Variants in MYNN observed in about 807,000 individuals in gnomAD.
The protein encoded by MYNN is zinc finger and BTB domain-containing protein 31.
In MYNN, 22 loss-of-function variants were observed where a neutral mutation model predicts 57.2. The observed-to-expected ratio is 0.38, with a 90% CI of 0.27 to 0.55. The LOEUF (loss-of-function observed/expected upper bound fraction) is 0.55. Ranked by LOEUF, MYNN falls within the 20% of genes least tolerant of loss-of-function variation. MYNN has a pLI of 0.71. For synonymous variants in MYNN, 241 were observed against 257.1 expected, an observed-to-expected ratio of 0.94 and a Z score of 0.60; for missense variants, 566 against 723.1, an observed-to-expected ratio of 0.78 and a Z score of 2.49.
In MYNN at chr3:169,780,728, G is replaced by A; in HGVS notation, c.1199G>A (p.Ser400Asn). The A allele has an allele frequency of 1.2e-6, 2 of 1,601,064 alleles. No homozygotes were observed. The highest frequency in any genetic ancestry group is 1.7e-6 in the Non-Finnish European group (2 of 1,176,554). The stretch of plus-strand genomic sequence containing the variant: ...TGCAACTTACAGTTTGCAACTTCTA[G>A]CAATCTCAAGATTCATGCAAGGTAA... ...DVCNLQFATS[S>N]NLKIHARKHS... The change falls in exon 4 of 8, where the codon AGC becomes AAC. Residue 400 changes from serine to asparagine, a missense_variant. By Grantham distance (46) the Ser-to-Asn change is conservative. Around this residue, in one of 4 missense-constraint regions of MYNN, gnomAD observed 123 missense variants for 222.6 expected, o/e 0.55. Coordinates refer to ENST00000349841, the MANE Select transcript of MYNN (RefSeq NM_018657.5).
intron 7 of MYNN, among the ~76,000 whole-genome samples, chr3:169,784,988 A>G (rs1391250911): frequency 6.7e-6 from 1 of 149,562 alleles, no homozygotes; most frequent in Non-Finnish European, 1.5e-5. Flanking sequence ...GCATGAAGGA[A>G]CATATAAGCA....
chr3:169,782,763 T>C lies in MYNN; in HGVS notation c.1399+120T>C, dbSNP rs1778558304. 10 of 713,634 alleles carry C rather than the reference T, an allele frequency of 1.4e-5. No homozygotes were observed. In the South Asian group the frequency reaches 1.9e-4, roughly 14 times the overall value. The allele number at this position is 713,634 out of a possible 1,614,324, so 44.2% of individuals were successfully genotyped here. On this transcript the variant is annotated intron_variant, in intron 5 of 7. Transcript: ENST00000349841. This position sits in a 1 kb window ranked among gnomAD's most constrained non-coding sequence, Gnocchi z 4.8. ...AGTTAGATATCTGTTTATATTTCTA[T>C]AAGCTATGTTTATGATTTTTGCACA...
Position 169,779,029 on chromosome 3 carries a change from A to G in MYNN, c.528A>G (p.Ser176=), listed in dbSNP as rs148032854. 17 of 1,613,948 alleles carry G rather than the reference A, an allele frequency of 1.1e-5. No homozygotes were observed. Among genetic ancestry groups the G allele is most frequent in the Non-Finnish European group, 1.4e-5 (17 of 1,180,044 alleles). The change falls in exon 3 of 8, where the codon TCA becomes TCG. Residue 176 remains serine, a synonymous_variant. Coordinates refer to ENST00000349841, the MANE Select transcript of MYNN (RefSeq NM_018657.5). The part of the protein sequence containing the change: ...NPKQGALAKK[S]SQTKKKKKAF... ...AACAAGGCGCGTTAGCGAAAAAGTC[A>G]TCTCAAACGAAAAAGAAGAAGAAGG... is the stretch of plus-strand genomic sequence containing the variant.
rs1778266462 is a variant in MYNN at position 169,774,447 on chromosome 3, C to T, written c.152C>T (p.Ala51Val). 3.1e-6 allele frequency: 5 copies of T among 1,613,824 alleles called. No homozygotes were observed. Among genetic ancestry groups the T allele is most frequent in the Middle Eastern group, 1.6e-4 (1 of 6,084 alleles). The change falls in exon 2 of 8, where the codon GCG becomes GTG. Residue 51 changes from alanine (A) to valine (V), a missense_variant. Ala to Val is a moderately conservative substitution (Grantham distance 64). This residue lies in a region of MYNN where 261 missense variants were observed against 280.8 expected (regional missense o/e 0.93). Transcript: ENST00000349841. Reference protein sequence around the residue: ...VLASFSEYFGAIYRSTSENNV... With the variant: ...VLASFSEYFGVIYRSTSENNV... ...GCCTCCTTTAGTGAGTATTTTGGTG[C>T]GATCTACAGAAGCACTTCTGAGAAC...
At chr3:169,775,296 C>T (rs1356855277) in intron 2 of MYNN, among the ~76,000 whole-genome samples, 2 of 151,996 alleles carry the variant, frequency 1.3e-5, no homozygotes, top group African/African-American at 4.8e-5. Context: ...CCCTGTATAA[C>T]GAACCATATA....
intron 4 of MYNN, among the ~76,000 whole-genome samples, chr3:169,781,254 A>G (rs899489990): frequency 4.9e-4 from 74 of 152,240 alleles, no homozygotes; most frequent in African/African-American, 1.7e-3. Flanking sequence ...TGGAGCTGCC[A>G]TTAACTGAGA....
chr3:169,776,728 G>A (rs1395771808), intron 2 of MYNN, among the ~76,000 whole-genome samples: 3 of 116,992 alleles, frequency 2.6e-5, no homozygotes. Context: ...TTTTGAGATG[G>A]AGTCTCACTC....
In MYNN at chr3:169,780,654, C is replaced by T. The variant is rs567143440; in HGVS notation, c.1125C>T (p.Phe375=). 19 of 1,613,018 alleles carry T rather than the reference C, an allele frequency of 1.2e-5. No individual in the cohort carries two copies. The East Asian group carries it at 3.3e-4, about 28-fold the overall frequency. The change falls in exon 4 of 8, where the codon TTC becomes TTT. Residue 375 remains phenylalanine (F), a synonymous_variant. Coordinates refer to ENST00000349841, the MANE Select transcript of MYNN (RefSeq NM_018657.5). Reference sequence around the variant, plus strand: ...TTGCTCAGAAATGTCAGCTAGTCTTCCATAGTCGCATGCATCATGGTGAAG... The same window carrying T: ...TTGCTCAGAAATGTCAGCTAGTCTTTCATAGTCGCATGCATCATGGTGAAG... ...KGFAQKCQLV[F]HSRMHHGEEK... is the part of the protein sequence containing the mutation.
intron 6 of MYNN, chr3:169,783,791 G>A: frequency 1.7e-6 from 1 of 585,318 alleles, no homozygotes; most frequent in Non-Finnish European, 3.2e-6. Context: ...AAATATGCCA[G>A]ATAATCAATA....
rs1235416585 is a variant in MYNN at position 169,789,055 on chromosome 3, CTA to C, written c.*2379_*2380del. On this transcript the variant is annotated 3_prime_UTR_variant, in exon 8 of 8. Transcript: ENST00000349841. Reference sequence around the variant, plus strand: ...AGAAGGTGAAGATCTTACTGAGAAACTATTTTCTAAATAAATTTAATTTTCTT... The same window carrying C: ...AGAAGGTGAAGATCTTACTGAGAAACTTTTCTAAATAAATTTAATTTTCTT... The C allele has an allele frequency of 1.3e-5, 2 of 151,988 alleles. No individual in the cohort carries two copies. Among genetic ancestry groups the C allele is most frequent in the African/African-American group, 4.8e-5 (2 of 41,378 alleles). The allele number at this position is 151,988 out of a possible 1,614,324, so 9.4% of individuals were successfully genotyped here. A position where few individuals can be genotyped will look rare whatever the true frequency, so the allele number is the denominator to read the frequency against.
chr3:169,785,272 C>T (rs1778644171), intron 7 of MYNN, among the ~76,000 whole-genome samples: 2 of 151,936 alleles, frequency 1.3e-5, no homozygotes, highest in Admixed American at 1.3e-4. Context: ...TGACACTAGG[C>T]CCTTCTGGTG....
In MYNN at chr3:169,779,259, CTG is replaced by C; in HGVS notation, c.760_761del (p.Val254TyrfsTer22). The C allele has an allele frequency of 6.2e-7, 1 of 1,614,166 alleles. No homozygotes were observed. Among genetic ancestry groups the C allele is most frequent in the Non-Finnish European group, 8.5e-7 (1 of 1,180,050 alleles). Reference sequence around the variant, plus strand: ...TTTCCAGCACAAGATATTGTGCACACTGTTACAGTGAAACGGAAACGTGGAAA... The same window carrying C: ...TTTCCAGCACAAGATATTGTGCACACTTACAGTGAAACGGAAACGTGGAAA... On this transcript the variant is annotated frameshift_variant, in exon 3 of 8. Transcript: ENST00000349841. LOFTEE classifies it high-confidence loss of function.
chr3:169,774,164 A>G (rs2108195282), intron 1 of MYNN, 101 bp from the exon 2 acceptor site: 2 of 846,060 alleles, frequency 2.4e-6, no homozygotes, highest in Non-Finnish European at 3.7e-6. Flanking sequence ...AGGATTTTCA[A>G]GGGGGCTAAA....
intron 6 of MYNN, 171 bp downstream of exon 6, chr3:169,783,731 T>C: frequency 1.5e-6 from 1 of 670,338 alleles, no homozygotes; most frequent in South Asian, 1.6e-5. Context: ...TTTTTTTAGT[T>C]GTTTGGAGTA....
intron 6 of MYNN, 105 bp downstream of exon 6, chr3:169,783,665 T>A: frequency 3.7e-6 from 3 of 801,764 alleles, no homozygotes; most frequent in Non-Finnish European, 6.7e-6. Context: ...TTAGTCATAC[T>A]GTACCTATAG....
At position 169,782,603 on chromosome 3, in the gene MYNN, T is replaced by C; in HGVS notation, c.1359T>C (p.Ala453=). 1.2e-6 allele frequency: 2 copies of C among 1,614,006 alleles called. No homozygotes were observed. Among genetic ancestry groups the C allele is most frequent in the Non-Finnish European group, 1.7e-6 (2 of 1,179,886 alleles). Residue 453 remains alanine (A), a synonymous_variant, in exon 5 of 8, where the codon GCT becomes GCC. Transcript: ENST00000349841. This position sits in a 1 kb window ranked among gnomAD's most constrained non-coding sequence, Gnocchi z 4.8. ...GTGATACCTGTGGGAAGGCATTTGCTGTCTCTAGTTCTCTTATCACTCATT... is the reference window on the plus strand; with the variant it reads ...GTGATACCTGTGGGAAGGCATTTGCCGTCTCTAGTTCTCTTATCACTCATT... ...YVCDTCGKAF[A]VSSSLITHSR...
intron 2 of MYNN, among the ~76,000 whole-genome samples, chr3:169,774,799 C>T (rs1778281365): frequency 6.6e-6 from 1 of 152,154 alleles, no homozygotes; most frequent in South Asian, 2.1e-4. Context: ...GAAACAAAGC[C>T]TGTGATTTCA....
At chr3:169,783,910 AT>A (rs1364607103) in intron 6 of MYNN, 21 of 260,498 alleles carry the variant, frequency 8.1e-5, no homozygotes, top group Non-Finnish European at 3.1e-5. Flanking sequence ...TTAGTATGCA[AT>A]TTTTAGGAAC....
Position 169,782,412 on chromosome 3 carries a change from T to C in MYNN, c.1221-53T>C. ...TATAAAAAACTTTATGAATTCTTGCTATATAGACTGACCTCCAAATTGTTT... is the reference window on the plus strand; with the variant it reads ...TATAAAAAACTTTATGAATTCTTGCCATATAGACTGACCTCCAAATTGTTT... On this transcript the variant is annotated intron_variant, in intron 4 of 7. Coordinates refer to ENST00000349841, the MANE Select transcript of MYNN (RefSeq NM_018657.5). This position sits in a 1 kb window ranked among gnomAD's most constrained non-coding sequence, Gnocchi z 4.8. The C allele has an allele frequency of 7.0e-7, 1 of 1,437,282 alleles. No individual in the cohort carries two copies. The highest frequency in any genetic ancestry group is 9.5e-7 in the Non-Finnish European group (1 of 1,050,344). 89.0% of individuals were successfully genotyped at this position (1,437,282 alleles called of 1,614,324 possible). A position where few individuals can be genotyped will look rare whatever the true frequency, so the allele number is the denominator to read the frequency against.
Sources: gnomAD v4.1 joint callset for allele counts (sites outside exome capture counted in the v4.1 genomes callset) on GRCh38, gnomAD v4.1.1 for gene constraint, gnomAD v4.1.1 regional missense constraint, Gnocchi (gnomAD v3.1) non-coding constraint, MANE v1.5 for transcripts, NCBI Gene and HGNC (gene_info 2026-07-23, HGNC 2026-07-21) for gene names.